The following DGKB variants were observed in gnomAD, a reference collection of about 807,000 sequenced individuals.
DGKB encodes 90 kDa diacylglycerol kinase.
A neutral mutation model predicts 114.3 loss-of-function variants in DGKB; 67 were observed. The observed-to-expected ratio is 0.59, with a 90% confidence interval of 0.48 to 0.72. The LOEUF is 0.72. Ranked by LOEUF, DGKB falls within the 30% of genes least tolerant of loss-of-function variation. DGKB has a pLI of 0.00. For missense variants in DGKB, 907 were observed against 975.2 expected (o/e 0.93, Z 0.93); for synonymous variants, 398 against 323.1 (o/e 1.23, Z -2.49).
chr7:14,911,329 A>T (rs73287025), intron 1 of DGKB, among the ~76,000 whole-genome samples: 1 of 151,990 alleles, frequency 6.6e-6, no homozygotes, highest in South Asian at 2.1e-4. Context: ...ATTGATCTTA[A>T]GTTATTTCAT....
At chr7:14,158,152 G>T (rs1056174125) in intron 25 of DGKB, among the ~76,000 whole-genome samples, 9 of 152,098 alleles carry the variant, frequency 5.9e-5, no homozygotes, top group African/African-American at 2.2e-4. Flanking sequence ...ACCAAATAAG[G>T]CTATGCATGT....
intron 20 of DGKB, among the ~76,000 whole-genome samples, chr7:14,573,846 AC>A (rs1263780161): frequency 6.6e-6 from 1 of 152,114 alleles, no homozygotes; most frequent in African/African-American, 2.4e-5. Context: ...ATAAAATTTA[AC>A]GCAATATTTT....
intron 1 of DGKB, among the ~76,000 whole-genome samples, chr7:14,891,700 C>T (rs1279899260): frequency 6.6e-6 from 1 of 151,264 alleles, no homozygotes; most frequent in Non-Finnish European, 1.5e-5. Flanking sequence ...AATTCAAATG[C>T]CTCAATGCTA....
At chr7:14,860,102 C>T (rs1188319454) in intron 1 of DGKB, among the ~76,000 whole-genome samples, 3 of 152,062 alleles carry the variant, frequency 2.0e-5, no homozygotes, top group Non-Finnish European at 1.5e-5. Context: ...TCTGTATTTT[C>T]ATACTTACAT....
At chr7:14,341,714 T>A (rs1478450482) in intron 22 of DGKB, among the ~76,000 whole-genome samples, 1 of 151,834 alleles carries the variant, frequency 6.6e-6, no homozygotes, top group Non-Finnish European at 1.5e-5. Context: ...TGCCAATGTG[T>A]TTTAACCTTC....
intron 5 of DGKB, among the ~76,000 whole-genome samples, chr7:14,729,392 G>C (rs1290232601): frequency 6.6e-6 from 1 of 152,016 alleles, no homozygotes; most frequent in Admixed American, 6.6e-5. Context: ...AAAGTGCTGG[G>C]ATTACAGGCA....
chr7:14,621,892 AATT>A (rs1807722015), intron 14 of DGKB, among the ~76,000 whole-genome samples: 1 of 152,098 alleles, frequency 6.6e-6, no homozygotes, highest in African/African-American at 2.4e-5. Context: ...CAATATTGAA[AATT>A]ATTTTTAATT....
intron 23 of DGKB, among the ~76,000 whole-genome samples, chr7:14,287,845 T>C (rs984704351): frequency 3.3e-5 from 5 of 152,168 alleles, no homozygotes; most frequent in Non-Finnish European, 7.4e-5. Context: ...TTTTAATTAA[T>C]AGAAGGACAG....
In DGKB at chr7:14,974,218, C is replaced by T. The variant is rs181219893; in HGVS notation, c.-188+478G>A. ...ATACTGGCAGCTGTGCATTTGTAAA[C>T]GAGTGGTGTTTGTGATGACTAATAT... On this transcript the variant is annotated intron_variant, in intron 1 of 4. Transcript: ENST00000437998. Among the ~76,000 whole-genome samples the T allele has an allele frequency of 1.9e-3, 295 of 151,994 alleles. 2 individuals are homozygous for T. The highest frequency in any genetic ancestry group is 6.7e-3 in the African/African-American group (276 of 41,492).
intron 21 of DGKB, among the ~76,000 whole-genome samples, chr7:14,408,676 G>T (rs1200105134): frequency 6.6e-6 from 1 of 151,680 alleles, no homozygotes; most frequent in Non-Finnish European, 1.5e-5. Context: ...TCATATTTTT[G>T]GTTCTTTACT....
At chr7:14,168,607 G>A (rs891762075) in intron 25 of DGKB, among the ~76,000 whole-genome samples, 2 of 152,216 alleles carry the variant, frequency 1.3e-5, no homozygotes, top group Admixed American at 1.3e-4. Context: ...TGATTCAAAC[G>A]ACTATGAATT....
chr7:14,666,510 T>A (rs1585489138), intron 13 of DGKB, among the ~76,000 whole-genome samples: 2 of 152,142 alleles, frequency 1.3e-5, no homozygotes, highest in African/African-American at 4.8e-5. Flanking sequence ...CAGTGTGTTA[T>A]CTGCAGCAAG....
Position 14,718,625 on chromosome 7 carries a change from C to T in DGKB, c.383G>A (p.Cys128Tyr). 2.5e-6 allele frequency: 4 copies of T among 1,612,144 alleles called. No individual in the cohort carries two copies. Among genetic ancestry groups the T allele is most frequent in the Non-Finnish European group, 3.4e-6 (4 of 1,178,618 alleles). Residue 128 changes from cysteine to tyrosine, a missense_variant, in exon 6 of 26, where the codon TGT becomes TAT. Around this residue, in one of 3 missense-constraint regions of DGKB, gnomAD observed 814 missense variants for 856.6 expected, o/e 0.95. Coordinates refer to ENST00000402815, the MANE Select transcript of DGKB (RefSeq NM_001350709.2). ...CTTCAGATGGATTACTTCTGGGGAA[C>T]ACGTATTTGCAGGAGAAGTAGTCCG... is the stretch of plus-strand genomic sequence containing the variant. The part of the protein sequence containing the change: ...PPRTTSPANT[C>Y]SPEVIHLKDI...
intron 2 of DGKB, among the ~76,000 whole-genome samples, chr7:14,840,810 C>T (rs1298178771): frequency 1.3e-5 from 2 of 151,588 alleles, no homozygotes; most frequent in East Asian, 3.9e-4. Context: ...CACAGCATTG[C>T]TTTTTTCTCC....
intron 21 of DGKB, among the ~76,000 whole-genome samples, chr7:14,440,009 T>C (rs779266600): frequency 7.2e-5 from 11 of 151,952 alleles, no homozygotes; most frequent in African/African-American, 1.2e-4. Context: ...GCAGAGATGC[T>C]AACAAAAAAC....
chr7:14,409,995 C>A (rs1001936823), intron 21 of DGKB, among the ~76,000 whole-genome samples: 1 of 151,918 alleles, frequency 6.6e-6, no homozygotes, highest in African/African-American at 2.4e-5. Context: ...TAACAACAGG[C>A]TATTAACAGT....
intron 21 of DGKB, among the ~76,000 whole-genome samples, chr7:14,441,976 A>T (rs1439469327): frequency 6.6e-6 from 1 of 151,986 alleles, no homozygotes; most frequent in African/African-American, 2.4e-5. Flanking sequence ...TTTGCTTATA[A>T]TTTTACATCT....
chr7:14,493,379 GGTACA>G (rs1186074636), intron 20 of DGKB, among the ~76,000 whole-genome samples: 9 of 151,860 alleles, frequency 5.9e-5, no homozygotes, highest in African/African-American at 1.9e-4. Flanking sequence ...TTAGAAATTA[GGTACA>G]GTAAATAATA....
intron 12 of DGKB, among the ~76,000 whole-genome samples, chr7:14,676,418 A>T (rs949695770): frequency 6.9e-6 from 1 of 145,570 alleles, no homozygotes; most frequent in African/African-American, 2.8e-5. Flanking sequence ...AAAACAACTA[A>T]AAGAAGGTAA....
Sources: gnomAD v4.1 joint callset for allele counts (sites outside exome capture counted in the v4.1 genomes callset) on GRCh38, gnomAD v4.1.1 for gene constraint, gnomAD v4.1.1 regional missense constraint, MANE v1.5 for transcripts, NCBI Gene and HGNC (gene_info 2026-07-23, HGNC 2026-07-21) for gene names.